Variants in PITPNC1 observed in about 807,000 individuals in gnomAD.
PITPNC1 encodes phosphatidylinositol transfer protein cytoplasmic 1.
In PITPNC1, 18 loss-of-function variants were observed where a neutral mutation model predicts 44.7. The ratio of observed to expected loss-of-function variants is 0.40; its 90% CI spans 0.28 to 0.60. The LOEUF (loss-of-function observed/expected upper bound fraction) is 0.60, where lower values mean the gene tolerates loss of function less well. PITPNC1 is among the 20% of genes least tolerant of loss of function. PITPNC1 has a pLI of 0.39. For synonymous variants in PITPNC1, 141 were observed against 149.6 expected (o/e 0.94, Z 0.42); for missense variants, 290 against 418.4 (o/e 0.69, Z 2.68).
chr17:67,522,787 C>T (rs767834443), intron 1 of PITPNC1, among the ~76,000 whole-genome samples: 4 of 151,738 alleles, frequency 2.6e-5, no homozygotes, highest in East Asian at 1.9e-4. Context: ...CTCAGCCTCC[C>T]GAGTAGCTGG....
chr17:67,508,199 C>T lies in PITPNC1; in HGVS notation c.49-24603C>T, dbSNP rs952939675. On this transcript the variant is annotated intron_variant, in intron 1 of 8. Coordinates refer to ENST00000581322, the MANE Select transcript of PITPNC1 (RefSeq NM_012417.4). The surrounding 1 kb of genome is among the most constrained non-coding windows in gnomAD (Gnocchi z 4.2). Reference sequence around the variant, plus strand: ...AGACCCCAAGAGAGGGTTCTTGGATCTCAAGGAAGAAAGAATTCAGGTCGA... The same window carrying T: ...AGACCCCAAGAGAGGGTTCTTGGATTTCAAGGAAGAAAGAATTCAGGTCGA... Among the ~76,000 whole-genome samples the T allele has an allele frequency of 2.0e-5, 3 of 152,090 alleles. No homozygotes were observed. Among genetic ancestry groups the T allele is most frequent in the Non-Finnish European group, 4.4e-5 (3 of 68,022 alleles).
chr17:67,539,819 C>G (rs1321970434), intron 2 of PITPNC1, among the ~76,000 whole-genome samples: 1 of 152,100 alleles, frequency 6.6e-6, no homozygotes, highest in Non-Finnish European at 1.5e-5. Context: ...GCCTGGGTGA[C>G]AGAACGAGAC....
intron 5 of PITPNC1, among the ~76,000 whole-genome samples, chr17:67,602,776 G>A (rs557695653): frequency 6.6e-6 from 1 of 152,130 alleles, no homozygotes. Flanking sequence ...TTGCTCTGTC[G>A]CCCAGGTTAG....
intron 6 of PITPNC1, 116 bp from the exon 7 acceptor site, chr17:67,669,392 A>G: frequency 5.5e-6 from 4 of 725,348 alleles, no homozygotes; most frequent in Non-Finnish European, 8.7e-6. Context: ...CTGGGATTAC[A>G]GGCGTGAGCC....
At chr17:67,474,978 G>C (rs931269017) in intron 1 of PITPNC1, among the ~76,000 whole-genome samples, 2 of 152,158 alleles carry the variant, frequency 1.3e-5, no homozygotes, top group Admixed American at 1.3e-4. Context: ...CCATTACTTT[G>C]AAAGACTAAG....
intron 4 of PITPNC1, among the ~76,000 whole-genome samples, chr17:67,575,823 C>T (rs55773368): frequency 0.016 from 1,036 of 63,320 alleles, 14 homozygotes; most frequent in African/African-American, 0.054. Flanking sequence ...TCTTTCTTTC[C>T]TTCCTTCCTT....
intron 5 of PITPNC1, among the ~76,000 whole-genome samples, chr17:67,631,356 G>A (rs916205877): frequency 1.7e-4 from 25 of 149,702 alleles, no homozygotes; most frequent in South Asian, 1.3e-3. Context: ...ATGGCCGGGC[G>A]CGGTGGCTCA....
intron 1 of PITPNC1, among the ~76,000 whole-genome samples, chr17:67,398,941 C>T (rs2038262903): frequency 6.6e-6 from 1 of 151,282 alleles, no homozygotes; most frequent in South Asian, 2.1e-4. Context: ...CTTCAAAGGC[C>T]GAGTAACCAT....
intron 5 of PITPNC1, among the ~76,000 whole-genome samples, chr17:67,601,594 A>C (rs560005531): frequency 6.6e-6 from 1 of 152,188 alleles, no homozygotes; most frequent in East Asian, 1.9e-4. Context: ...CTACAAAAAA[A>C]AAATTAAAAA....
intron 6 of PITPNC1, among the ~76,000 whole-genome samples, chr17:67,637,475 C>T (rs1374751165): frequency 6.6e-6 from 1 of 152,056 alleles, no homozygotes; most frequent in Non-Finnish European, 1.5e-5. Context: ...CTGGGTTGCT[C>T]CTCTCCACTC....
At chr17:67,573,257 C>T (rs1264706681) in intron 4 of PITPNC1, among the ~76,000 whole-genome samples, 1 of 151,960 alleles carries the variant, frequency 6.6e-6, no homozygotes, top group Non-Finnish European at 1.5e-5. Context: ...TGGGAGGCAT[C>T]TGCCAAAAAA....
intron 1 of PITPNC1, among the ~76,000 whole-genome samples, chr17:67,438,311 G>T (rs1312111453): frequency 7.2e-6 from 1 of 138,968 alleles, no homozygotes; most frequent in Non-Finnish European, 1.5e-5. Context: ...AGTTCTAAGT[G>T]ACTTTTTTTT....
At chr17:67,465,708 C>G (rs1334076967) in intron 1 of PITPNC1, among the ~76,000 whole-genome samples, 1 of 152,122 alleles carries the variant, frequency 6.6e-6, no homozygotes, top group Non-Finnish European at 1.5e-5. Flanking sequence ...GGTTCTGAGT[C>G]CTCTGTGCCT....
intron 1 of PITPNC1, among the ~76,000 whole-genome samples, chr17:67,523,817 T>G (rs960329399): frequency 1.3e-5 from 2 of 148,362 alleles, no homozygotes; most frequent in Non-Finnish European, 3.0e-5. Flanking sequence ...GTTTTTTTTT[T>G]TTTTTTTTTT....
intron 6 of PITPNC1, among the ~76,000 whole-genome samples, chr17:67,634,274 A>G (rs2042005268): frequency 6.6e-6 from 1 of 152,168 alleles, no homozygotes; most frequent in African/African-American, 2.4e-5. Flanking sequence ...TGAGTGTCAC[A>G]TACAATGTTA....
rs2040851415 is a variant in PITPNC1, at chr17:67,557,293, C to A, written c.294+3676C>A. 2.0e-5 allele frequency among the ~76,000 whole-genome samples: 3 copies of A among 152,108 alleles called. No homozygotes were observed. The South Asian group carries it at 6.2e-4, about 32-fold the overall frequency. Reference sequence around the variant, plus strand: ...GACCTCATCCCTACCTGATTAGTCCCAAAATCCCATCTCCAAACACCATTG... The same window carrying A: ...GACCTCATCCCTACCTGATTAGTCCAAAAATCCCATCTCCAAACACCATTG... On this transcript the variant is annotated intron_variant, in intron 4 of 8. Transcript: ENST00000581322.
chr17:67,433,251 A>G (rs1173046670), intron 1 of PITPNC1, among the ~76,000 whole-genome samples: 1 of 152,118 alleles, frequency 6.6e-6, no homozygotes, highest in African/African-American at 2.4e-5. Flanking sequence ...GGGAAGCCAG[A>G]CCTAGAAAGG....
intron 1 of PITPNC1, among the ~76,000 whole-genome samples, chr17:67,418,429 C>G (rs1330427148): frequency 6.6e-6 from 1 of 152,176 alleles, no homozygotes; most frequent in African/African-American, 2.4e-5. Flanking sequence ...AAGTTCCTAT[C>G]ACAAGGGAAT....
chr17:67,635,364 A>T (rs2042020902), intron 6 of PITPNC1, among the ~76,000 whole-genome samples: 1 of 152,004 alleles, frequency 6.6e-6, no homozygotes, highest in Non-Finnish European at 1.5e-5. Context: ...TTGAAGGAGG[A>T]ATTGGGATGG....
Sources: allele counts gnomAD v4.1 joint callset (sites outside exome capture counted in the v4.1 genomes callset), GRCh38; gene constraint gnomAD v4.1.1; non-coding constraint Gnocchi (gnomAD v3.1); transcripts MANE v1.5; gene names NCBI Gene and HGNC (gene_info 2026-07-23, HGNC 2026-07-21).